Variants in ASPA observed in about 807,000 individuals in gnomAD.
ASPA encodes the protein aspartoacylase, also known as ACY-2.
In ASPA, 25 loss-of-function variants were observed where a neutral mutation model predicts 29.6. That is an observed-to-expected ratio of 0.85 (90% CI 0.62 to 1.18). The LOEUF is 1.18. Ranked by LOEUF, ASPA falls within the 50% of genes most tolerant of loss-of-function variation. The probability of loss-of-function intolerance (pLI) is 0.00; values close to 1 mark genes in which losing one functional copy is unlikely to be tolerated. For missense variants in ASPA, 333 were observed against 385.7 expected, an observed-to-expected ratio of 0.86 and a Z score of 1.14; for synonymous variants, 131 against 130.3, an observed-to-expected ratio of 1.01 and a Z score of -0.04.
chr17:3,496,523 T>C lies in ASPA; in HGVS notation c.744+2064T>C, dbSNP rs555234519. On this transcript the variant is annotated intron_variant, in intron 5 of 5. Coordinates refer to ENST00000263080, the MANE Select transcript of ASPA (RefSeq NM_000049.4). ...GAGGCTGGAACAAACTTGGAGCATC[T>C]GAGGAACAGCAAGAAGACCCATATC... Among the ~76,000 whole-genome samples, 3 of 152,198 alleles carry C rather than the reference T, an allele frequency of 2.0e-5. No homozygotes were observed. In the East Asian group the frequency reaches 5.8e-4, roughly 29 times the overall value.
intron 3 of ASPA, among the ~76,000 whole-genome samples, chr17:3,487,386 A>G (rs1031397016): frequency 2.0e-5 from 3 of 152,234 alleles, no homozygotes; most frequent in African/African-American, 7.2e-5. Flanking sequence ...ATTATTTACA[A>G]TGAGCTTAAT....
upstream of ASPA, chr17:3,475,900 A>T (rs977094285): frequency 2.0e-6 from 1 of 493,092 alleles, no homozygotes; most frequent in Non-Finnish European, 3.7e-6. Context: ...GTTAGAAGTT[A>T]AAGTAAACAG....
At position 3,501,349 on chromosome 17, in the gene ASPA, A is replaced by T. The variant is rs994191825; in HGVS notation, c.*2261A>T. On this transcript the variant is annotated 3_prime_UTR_variant, in exon 6 of 6. Coordinates refer to ENST00000263080, the MANE Select transcript of ASPA (RefSeq NM_000049.4). ...TATCAACATTAACAGGAGTTTGGAA[A>T]AAGTGAATTCCAACCCTCTTGGATG... 6.6e-6 allele frequency: 1 copy of T among 152,174 alleles called. No individual in the cohort carries two copies. The highest frequency in any genetic ancestry group is 6.5e-5 in the Admixed American group (1 of 15,270). The allele number at this position is 152,174 out of a possible 1,614,324, so 9.4% of individuals were successfully genotyped here.
chr17:3,491,723 C>T (rs979736787), intron 4 of ASPA, among the ~76,000 whole-genome samples: 31 of 151,196 alleles, frequency 2.1e-4, no homozygotes, highest in African/African-American at 7.1e-4. Flanking sequence ...ACTCCAGCCT[C>T]GGTGACAGAG....
chr17:3,494,590 G>T (rs551314039), intron 5 of ASPA, 131 bp downstream of exon 5: 2 of 791,562 alleles, frequency 2.5e-6, no homozygotes, highest in Non-Finnish European at 4.3e-6. Flanking sequence ...AGTGTAGATA[G>T]GGAAGATGTT....
At chr17:3,493,848 C>T (rs973104927) in intron 4 of ASPA, among the ~76,000 whole-genome samples, 1 of 152,108 alleles carries the variant, frequency 6.6e-6, no homozygotes, top group African/African-American at 2.4e-5. Context: ...TGTTTTCTAC[C>T]TCTGGCCGTC....
At chr17:3,474,492 G>C (rs1301022723), upstream of ASPA, among the ~76,000 whole-genome samples, 1 of 152,158 alleles carries the variant, frequency 6.6e-6, no homozygotes, top group East Asian at 1.9e-4. Context: ...ACTGTCATCT[G>C]TTTACTTTTA....
chr17:3,500,413 G>A lies in ASPA; in HGVS notation c.*1325G>A, dbSNP rs1252226457. ...AATGCCTAGCTTCAAAGCTTCAAAGGACAGCCTGACTCTCTTAAGAGCTAA... is the reference window on the plus strand; with the variant it reads ...AATGCCTAGCTTCAAAGCTTCAAAGAACAGCCTGACTCTCTTAAGAGCTAA... On this transcript the variant is annotated 3_prime_UTR_variant, in exon 6 of 6. Coordinates refer to ENST00000263080, the MANE Select transcript of ASPA (RefSeq NM_000049.4). 2 of 152,222 alleles carry A rather than the reference G, an allele frequency of 1.3e-5. No homozygotes were observed. Among genetic ancestry groups the A allele is most frequent in the African/African-American group, 4.8e-5 (2 of 41,444 alleles). 9.4% of individuals were successfully genotyped at this position (152,222 alleles called of 1,614,324 possible). A position where few individuals can be genotyped will look rare whatever the true frequency, so the allele number is the denominator to read the frequency against.
In ASPA at chr17:3,498,987, G is replaced by A. The variant is rs141858640; in HGVS notation, c.841G>A (p.Val281Met). ...PLGGDCTVYPVFVNEAAYYEK... is the reference protein window; with the variant it reads ...PLGGDCTVYPMFVNEAAYYEK... ...GGGCGGAGACTGTACCGTGTACCCC[G>A]TGTTTGTGAATGAGGCCGCATATTA... The change falls in exon 6 of 6, where the codon GTG (valine) becomes ATG (methionine). Residue 281 changes from valine (V) to methionine (M), a missense_variant. Physicochemically the swap from Val to Met is conservative, Grantham distance 21 (BLOSUM62 1). Transcript: ENST00000263080. 1.8e-4 allele frequency: 287 copies of A among 1,614,166 alleles called. 1 individual carries two copies. The highest frequency in any genetic ancestry group is 2.3e-4 in the Non-Finnish European group (269 of 1,180,014).
rs1416785705 is a variant in ASPA at position 3,483,581 on chromosome 17, A to G, written c.515A>G (p.Lys172Arg). ...LKYATTRSIA[K>R]YPVGIEVGPQ... is the part of the protein sequence containing the mutation. ...TATGCGACCACTCGTTCCATAGCCA[A>G]GTATCCTGTGGGTAAGTCATAGTTC... Residue 172 changes from lysine to arginine, a missense_variant, in exon 3 of 6, where the codon AAG (lysine) becomes AGG (arginine). Transcript: ENST00000263080. The G allele has an allele frequency of 6.2e-7, 1 of 1,613,138 alleles. No homozygotes were observed. Among genetic ancestry groups the G allele is most frequent in the Non-Finnish European group, 8.5e-7 (1 of 1,179,054 alleles).
At chr17:3,486,186 G>A (rs569786402) in intron 3 of ASPA, among the ~76,000 whole-genome samples, 19 of 152,000 alleles carry the variant, frequency 1.3e-4, no homozygotes, top group African/African-American at 3.9e-4. Context: ...CACCCGCCTC[G>A]GCCTCCCAAA....
intron 5 of ASPA, among the ~76,000 whole-genome samples, chr17:3,495,884 G>C (rs1333864777): frequency 1.3e-5 from 2 of 151,850 alleles, no homozygotes; most frequent in Non-Finnish European, 2.9e-5. Context: ...GTGTTTTAAA[G>C]GAAAGGTAAA....
chr17:3,493,466 C>T (rs150699406), intron 4 of ASPA, among the ~76,000 whole-genome samples: 43 of 140,824 alleles, frequency 3.1e-4, no homozygotes, highest in African/African-American at 1.1e-3. Flanking sequence ...GAGGCTGAGG[C>T]AGGAGAATCG....
intron 2 of ASPA, among the ~76,000 whole-genome samples, 176 bp downstream of exon 2, chr17:3,481,974 G>A (rs1302575966): frequency 6.6e-6 from 1 of 151,838 alleles, no homozygotes; most frequent in African/African-American, 2.4e-5. Context: ...CAGAGGCAGT[G>A]GTGAGAGGAA....
In ASPA at chr17:3,494,335, T is replaced by C. The variant is rs760519809; in HGVS notation, c.635-15T>C. The C allele has an allele frequency of 5.7e-6, 9 of 1,574,118 alleles. No homozygotes were observed. The highest frequency in any genetic ancestry group is 7.9e-6 in the Non-Finnish European group (9 of 1,143,728). ...TGTTTTTAGTTGCCATTGATACATA[T>C]TGTTTTTGTCATAGGAAAAGAATTT... On this transcript the variant is annotated splice_polypyrimidine_tract_variant and intron_variant, in intron 4 of 5. Coordinates refer to ENST00000263080, the MANE Select transcript of ASPA (RefSeq NM_000049.4).
rs1039705310 is a variant in ASPA, at chr17:3,500,986, T to C, written c.*1898T>C. 1.3e-5 allele frequency: 2 copies of C among 152,102 alleles called. No homozygotes were observed. The highest frequency in any genetic ancestry group is 2.9e-5 in the Non-Finnish European group (2 of 68,030). 9.4% of individuals were successfully genotyped at this position (152,102 alleles called of 1,614,324 possible). A position where few individuals can be genotyped will look rare whatever the true frequency, so the allele number is the denominator to read the frequency against. On this transcript the variant is annotated 3_prime_UTR_variant, in exon 6 of 6. Transcript: ENST00000263080. ...ATTCCTTTCAAAATACTACTGCTGA[T>C]TGACAATACACCATGTTACCCAAGA...
In ASPA at chr17:3,499,205, T is replaced by TACCGAATAAGGCACTG; in HGVS notation, c.*117_*118insACCGAATAAGGCACTG. 1.9e-6 allele frequency: 2 copies of TACCGAATAAGGCACTG among 1,067,052 alleles called. No individual in the cohort carries two copies. The highest frequency in any genetic ancestry group is 2.7e-6 in the Non-Finnish European group (2 of 750,150). 66.1% of individuals were successfully genotyped at this position (1,067,052 alleles called of 1,614,324 possible). A position where few individuals can be genotyped will look rare whatever the true frequency, so the allele number is the denominator to read the frequency against. On this transcript the variant is annotated 3_prime_UTR_variant, in exon 6 of 6. Coordinates refer to ENST00000263080, the MANE Select transcript of ASPA (RefSeq NM_000049.4). ...CATACATAGCTCCTAGCACAGTGCC[T>TACCGAATAAGGCACTG]TATTCGGTAGGCATCTAAGCACATT...
At position 3,499,259 on chromosome 17, in the gene ASPA, A is replaced by G. The variant is rs1050505982; in HGVS notation, c.*171A>G. The G allele has an allele frequency of 1.8e-6, 1 of 564,102 alleles. No homozygotes were observed. The highest frequency in any genetic ancestry group is 3.0e-6 in the Non-Finnish European group (1 of 332,968). The allele number at this position is 564,102 out of a possible 1,614,324, so 34.9% of individuals were successfully genotyped here. The stretch of plus-strand genomic sequence containing the variant: ...TAAATTAATTAATATATCTTTAAAG[A>G]TATCATATTTTATGTATGTAGCTTA... On this transcript the variant is annotated 3_prime_UTR_variant, in exon 6 of 6. Transcript: ENST00000263080.
chr17:3,493,377 A>G (rs2073855767), intron 4 of ASPA, among the ~76,000 whole-genome samples: 1 of 152,100 alleles, frequency 6.6e-6, no homozygotes, highest in Non-Finnish European at 1.5e-5. Context: ...CCTGGCCAAC[A>G]TGGTGAGACC....
Sources: gnomAD v4.1 joint callset for allele counts (sites outside exome capture counted in the v4.1 genomes callset) on GRCh38, gnomAD v4.1.1 for gene constraint, MANE v1.5 for transcripts, NCBI Gene and HGNC (gene_info 2026-07-23, HGNC 2026-07-21) for gene names.